Variants in NT5DC4 observed in about 807,000 individuals in gnomAD.
NT5DC4 encodes the protein 5'-nucleotidase domain containing 4.
A neutral mutation model predicts 26.6 loss-of-function variants in NT5DC4; 44 were observed. The ratio of observed to expected loss-of-function variants is 1.65; its 90% CI spans 1.30 to 2.13. NT5DC4 has a LOEUF of 2.13. Ranked by LOEUF, NT5DC4 falls within the 30% of genes most tolerant of loss-of-function variation. The pLI is 0.00. For synonymous variants in NT5DC4, 157 were observed against 86.7 expected, an observed-to-expected ratio of 1.81 and a Z score of -4.51; for missense variants, 399 against 228.1, an observed-to-expected ratio of 1.75 and a Z score of -4.83.
At chr2:112,741,172 T>C (rs1225850151), downstream of NT5DC4, among the ~76,000 whole-genome samples, 1 of 152,228 alleles carries the variant, frequency 6.6e-6, no homozygotes, top group Non-Finnish European at 1.5e-5. Flanking sequence ...AACTTGTTTT[T>C]TCACGTTAAG....
chr2:112,722,299 GAGAGTGGC>G (rs1676991135), intron 4 of NT5DC4, 21 bp downstream of exon 4: 2 of 717,022 alleles, frequency 2.8e-6, no homozygotes, highest in Non-Finnish European at 5.2e-6. Flanking sequence ...AAGGTGCCGG[GAGAGTGGC>G]AGGCCAGGAG....
intron 15 of NT5DC4, among the ~76,000 whole-genome samples, chr2:112,728,529 T>C (rs537319357): frequency 2.0e-5 from 3 of 152,314 alleles, no homozygotes; most frequent in South Asian, 2.1e-4. Flanking sequence ...GTTGGCATCA[T>C]CATTTCCATT....
upstream of NT5DC4, among the ~76,000 whole-genome samples, chr2:112,719,960 TTC>T (rs1558715278): frequency 1.2e-3 from 153 of 128,326 alleles, no homozygotes; most frequent in African/African-American, 4.3e-3. Context: ...CTTTCTTTCT[TTC>T]TTTCTTTCTT....
At chr2:112,734,735 G>A (rs894154281) in intron 16 of NT5DC4, among the ~76,000 whole-genome samples, 15 of 152,198 alleles carry the variant, frequency 9.9e-5, no homozygotes, top group Non-Finnish European at 1.9e-4. Context: ...CGTCGCCTAG[G>A]CTGGAATGCA....
chr2:112,728,429 G>A (rs371722403), intron 15 of NT5DC4, among the ~76,000 whole-genome samples: 40 of 152,292 alleles, frequency 2.6e-4, no homozygotes, highest in African/African-American at 9.4e-4. Flanking sequence ...GGTAGAGGTG[G>A]CTACGATGGC....
chr2:112,734,169 A>ATGTG (rs59851361), intron 16 of NT5DC4, among the ~76,000 whole-genome samples: 32 of 134,862 alleles, frequency 2.4e-4, no homozygotes, highest in South Asian at 5.0e-4. Context: ...TATTATATAT[A>ATGTG]TGTGTGTGTG....
At chr2:112,725,882 GAAGGTACAC>G (rs1677642283) in intron 13 of NT5DC4, among the ~76,000 whole-genome samples, 5 of 145,804 alleles carry the variant, frequency 3.4e-5, no homozygotes, top group African/African-American at 1.3e-4. Context: ...TCAGTGAGTG[GAAGGTACAC>G]ACCTTCCACC....
chr2:112,726,788 G>C, intron 15 of NT5DC4, 50 bp downstream of exon 15: 1 of 717,036 alleles, frequency 1.4e-6, no homozygotes. Context: ...GGGCGGAGCC[G>C]GGTTCACTTC....
chr2:112,736,359 AATTTT>A (rs764675099), intron 16 of NT5DC4, among the ~76,000 whole-genome samples: 10 of 152,288 alleles, frequency 6.6e-5, no homozygotes, highest in Admixed American at 1.3e-4. Flanking sequence ...TTTTGGTGAC[AATTTT>A]ATTTTATTAG....
upstream of NT5DC4, among the ~76,000 whole-genome samples, chr2:112,719,566 AC>A (rs1382623597): frequency 7.2e-6 from 1 of 139,454 alleles, no homozygotes; most frequent in African/African-American, 2.6e-5. Flanking sequence ...GATGACTGCA[AC>A]CTCTGCTTTC....
Position 112,724,134 on chromosome 2 carries a change from T to C in NT5DC4, c.789+8T>C, listed in dbSNP as rs1027217197. The C allele has an allele frequency of 5.6e-6, 4 of 716,664 alleles. No individual in the cohort carries two copies. The highest frequency in any genetic ancestry group is 7.8e-6 in the Non-Finnish European group (3 of 384,874). The allele number at this position is 716,664 out of a possible 1,614,324, so 44.4% of individuals were successfully genotyped here. A position where few individuals can be genotyped will look rare whatever the true frequency, so the allele number is the denominator to read the frequency against. On this transcript the variant is annotated splice_region_variant and intron_variant, in intron 10 of 16. Coordinates refer to ENST00000688554, the MANE Select transcript of NT5DC4 (RefSeq NM_001393655.1). ...CTGTTCAGCATCAGTGAGGTGAGTGTTGGAGTGTTGCGTGCACGGCTGGGG... is the reference window on the plus strand; with the variant it reads ...CTGTTCAGCATCAGTGAGGTGAGTGCTGGAGTGTTGCGTGCACGGCTGGGG...
In NT5DC4 at chr2:112,722,525, C is replaced by T. The variant is rs1252263321; in HGVS notation, c.405C>T (p.Ser135=). 1.4e-6 allele frequency: 1 copy of T among 717,444 alleles called. No individual in the cohort carries two copies. The highest frequency in any genetic ancestry group is 2.6e-6 in the Non-Finnish European group (1 of 385,084). The allele number at this position is 717,444 out of a possible 1,614,324, so 44.4% of individuals were successfully genotyped here. Residue 135 remains serine, a synonymous_variant, in exon 5 of 17, where the codon AGC becomes AGT. Coordinates refer to ENST00000688554, the MANE Select transcript of NT5DC4 (RefSeq NM_001393655.1). ...CAGAGATCTGGAGCTTCTACCCCAG[C>T]AAGTTCATTCAGAGGGACGACCTGC... ...LRAEIWSFYP[S]KFIQRDDLQC...
chr2:112,724,332 TG>T, intron 10 of NT5DC4: 1 of 612,420 alleles, frequency 1.6e-6, no homozygotes. Flanking sequence ...GAGGAGCCTT[TG>T]GGGGTGATAG....
At chr2:112,730,310 C>CAAAAAAAAAA (rs11375761) in intron 16 of NT5DC4, among the ~76,000 whole-genome samples, 1 of 76,192 alleles carries the variant, frequency 1.3e-5, no homozygotes, top group Non-Finnish European at 2.4e-5. Flanking sequence ...AAGACTGTCT[C>CAAAAAAAAAA]AAAAAAAAAA....
chr2:112,728,255 G>A (rs1258290637), intron 15 of NT5DC4, among the ~76,000 whole-genome samples: 1 of 152,146 alleles, frequency 6.6e-6, no homozygotes, highest in African/African-American at 2.4e-5. Flanking sequence ...TCATTTCCTT[G>A]GTAGAAAGGA....
At chr2:112,733,086 A>C (rs1401836007) in intron 16 of NT5DC4, among the ~76,000 whole-genome samples, 1 of 152,142 alleles carries the variant, frequency 6.6e-6, no homozygotes, top group Non-Finnish European at 1.5e-5. Context: ...AGGACAAAGA[A>C]TATGAGAAAA....
In NT5DC4 at chr2:112,722,230, C is replaced by T. The variant is rs1279911214; in HGVS notation, c.314C>T (p.Ala105Val). ...TATGGGAACCTGCTGAAGGTGGACG[C>T]CCACGGGAATGTGCTGCTGGGTGCC... Reference protein sequence around the residue: ...ELYGNLLKVDAHGNVLLGAYG... With the variant: ...ELYGNLLKVDVHGNVLLGAYG... Residue 105 changes from alanine to valine, a missense_variant, in exon 4 of 17, where the codon GCC becomes GTC. Ala to Val is a moderately conservative substitution (Grantham distance 64, BLOSUM62 0). Coordinates refer to ENST00000688554, the MANE Select transcript of NT5DC4 (RefSeq NM_001393655.1). 5 of 716,934 alleles carry T rather than the reference C, an allele frequency of 7.0e-6. No homozygotes were observed. Among genetic ancestry groups the T allele is most frequent in the Admixed American group, 6.0e-5 (3 of 49,998 alleles). 44.4% of individuals were successfully genotyped at this position (716,934 alleles called of 1,614,324 possible).
chr2:112,741,412 C>T (rs1679954127), downstream of NT5DC4, among the ~76,000 whole-genome samples: 1 of 152,192 alleles, frequency 6.6e-6, no homozygotes, highest in Non-Finnish European at 1.5e-5. Flanking sequence ...CAATCCCATT[C>T]CTCCCCAGGA....
In NT5DC4 at chr2:112,725,176, C is replaced by T; in HGVS notation, c.918C>T (p.Asp306=). 1 of 715,948 alleles carries T rather than the reference C, an allele frequency of 1.4e-6. No individual in the cohort carries two copies. Among genetic ancestry groups the T allele is most frequent in the Non-Finnish European group, 2.6e-6 (1 of 384,018 alleles). The allele number at this position is 715,948 out of a possible 1,614,324, so 44.3% of individuals were successfully genotyped here. A position where few individuals can be genotyped will look rare whatever the true frequency, so the allele number is the denominator to read the frequency against. Reference sequence around the variant, plus strand: ...AGGGCACCCCTCTGCCCCTCCAGGACTCAGGAAAGCTCCACGTGGGCACCT... The same window carrying T: ...AGGGCACCCCTCTGCCCCTCCAGGATTCAGGAAAGCTCCACGTGGGCACCT... ...QVNTVMAGAE[D]SGKLHVGTYT... The change falls in exon 12 of 17, where the codon GAC becomes GAT. Residue 306 remains aspartate, a splice_region_variant and synonymous_variant. Transcript: ENST00000688554.
Sources: gnomAD v4.1 joint callset for allele counts (sites outside exome capture counted in the v4.1 genomes callset) on GRCh38, gnomAD v4.1.1 for gene constraint, MANE v1.5 for transcripts, NCBI Gene and HGNC (gene_info 2026-07-23, HGNC 2026-07-21) for gene names.